PCDHGA9: variants seen among roughly 807,000 people sequenced by gnomAD.
The protein encoded by PCDHGA9 is protocadherin gamma subfamily A, 9.
Under a neutral mutation model 62.5 loss-of-function variants are expected in PCDHGA9, and 37 were observed. The observed-to-expected ratio is 0.59, with a 90% CI of 0.46 to 0.78. PCDHGA9 has a LOEUF of 0.78. PCDHGA9 is among the 30% of genes least tolerant of loss of function. The pLI is 0.00. For synonymous variants in PCDHGA9, 459 were observed against 484.6 expected, an observed-to-expected ratio of 0.95 and a Z score of 0.69; for missense variants, 1,138 against 1,166.2, an observed-to-expected ratio of 0.98 and a Z score of 0.35.
intron 2 of PCDHGA9, among the ~76,000 whole-genome samples, chr5:141,496,631 G>A (rs1434126210): frequency 6.6e-6 from 1 of 152,164 alleles, no homozygotes; most frequent in Admixed American, 6.5e-5. Context: ...CAAAAGGCTT[G>A]GGCTGCCCTT....
intron 2 of PCDHGA9, among the ~76,000 whole-genome samples, chr5:141,504,788 TC>T (rs1235410120): frequency 6.6e-6 from 1 of 152,070 alleles, no homozygotes; most frequent in Non-Finnish European, 1.5e-5. Context: ...TCTTGGGGCC[TC>T]CTACATCTCC....
intron 2 of PCDHGA9, among the ~76,000 whole-genome samples, chr5:141,501,956 A>G (rs527567012): frequency 6.6e-6 from 1 of 152,136 alleles, no homozygotes; most frequent in Non-Finnish European, 1.5e-5. Context: ...GTGACAGGTC[A>G]TCCTCCTAAC....
intron 1 of PCDHGA9, among the ~76,000 whole-genome samples, chr5:141,406,747 CA>C (rs889749071): frequency 1.2e-4 from 19 of 152,168 alleles, no homozygotes; most frequent in Non-Finnish European, 2.1e-4. Flanking sequence ...TGTGAAATGA[CA>C]AAACAAGGAA....
In PCDHGA9 at chr5:141,476,875, C is replaced by T; in HGVS notation, c.2425-17932C>T. On this transcript the variant is annotated intron_variant, in intron 1 of 3. Coordinates refer to ENST00000573521, the MANE Select transcript of PCDHGA9 (RefSeq NM_018921.3). The surrounding 1 kb of genome is among the most constrained non-coding windows in gnomAD (Gnocchi z 7.6). ...ACCAGTCCTTGTACCGGGCGCGCGT[C>T]CTGGAGGATGCACCCTCCGGCACGC... 2 of 1,613,928 alleles carry T rather than the reference C, an allele frequency of 1.2e-6. No homozygotes were observed. Among genetic ancestry groups the T allele is most frequent in the Non-Finnish European group, 1.7e-6 (2 of 1,180,044 alleles).
intron 1 of PCDHGA9, 63 bp from the exon 2 acceptor site, chr5:141,494,744 G>T: frequency 6.2e-7 from 1 of 1,612,702 alleles, no homozygotes; most frequent in South Asian, 1.1e-5. Flanking sequence ...CATCCCTAGG[G>T]GCTCGGGTGA....
intron 1 of PCDHGA9, among the ~76,000 whole-genome samples, chr5:141,438,002 A>G (rs200179547): frequency 1.3e-5 from 2 of 152,072 alleles, no homozygotes; most frequent in East Asian, 1.9e-4. Flanking sequence ...CAGCCTCCCA[A>G]ATAGCTGAGA....
At chr5:141,434,695 AAT>A (rs1228504579) in intron 1 of PCDHGA9, among the ~76,000 whole-genome samples, 7 of 152,212 alleles carry the variant, frequency 4.6e-5, no homozygotes, top group Non-Finnish European at 8.8e-5. Flanking sequence ...GCTGTTAATA[AAT>A]ATGTGGGTAA....
Position 141,489,417 on chromosome 5 carries a change from G to A in PCDHGA9, c.2425-5390G>A, listed in dbSNP as rs1020232739. On this transcript the variant is annotated intron_variant, in intron 1 of 3. Coordinates refer to ENST00000573521, the MANE Select transcript of PCDHGA9 (RefSeq NM_018921.3). This position sits in a 1 kb window ranked among gnomAD's most constrained non-coding sequence, Gnocchi z 4.5. ...ATCTGGGCTTAAAGATGACAGATCT[G>A]TTGAGCCGGCGGCTGCAATTGGGCT... The A allele has an allele frequency of 1.2e-6, 2 of 1,614,172 alleles. No individual in the cohort carries two copies. The highest frequency in any genetic ancestry group is 3.3e-5 in the Admixed American group (2 of 60,030).
At chr5:141,470,585 G>A (rs2099233788) in intron 1 of PCDHGA9, among the ~76,000 whole-genome samples, 1 of 152,188 alleles carries the variant, frequency 6.6e-6, no homozygotes, top group African/African-American at 2.4e-5. Flanking sequence ...AACTTCATAG[G>A]CAGGCGACCT....
chr5:141,410,849 CTTT>C (rs759346998), intron 1 of PCDHGA9: 1,556 of 136,944 alleles, frequency 0.011, no homozygotes, highest in South Asian at 0.02. Flanking sequence ...TTGTCTTTGT[CTTT>C]TTTTTTTTTT....
chr5:141,419,878 G>T (rs1342215231), intron 1 of PCDHGA9: 1 of 1,613,942 alleles, frequency 6.2e-7, no homozygotes, highest in African/African-American at 1.3e-5. Context: ...AGGTACTGCC[G>T]GATTTCAGCG....
chr5:141,472,980 C>CAAAAAAAAAAAAAAAAAAAAAAAAAAAA (rs60579131), intron 1 of PCDHGA9, among the ~76,000 whole-genome samples: 1 of 86,106 alleles, frequency 1.2e-5, no homozygotes, highest in Non-Finnish European at 2.5e-5. Flanking sequence ...GAGTGAAACT[C>CAAAAAAAAAAAAAAAAAAAAAAAAAAAA]AAAAAAAAAA....
At chr5:141,492,063 C>T in intron 1 of PCDHGA9, 1 of 481,160 alleles carries the variant, frequency 2.1e-6, no homozygotes, top group African/African-American at 2.0e-5. Flanking sequence ...CAGCCAGCCT[C>T]CTAGGCGCCG....
At position 141,454,320 on chromosome 5, in the gene PCDHGA9, C is replaced by T. The variant is rs140074578; in HGVS notation, c.2425-40487C>T. ...CAGATATTTCAAAGCATTGAAACCTCCAAGAATAAATAAAATGTTGGAAGT... is the reference window on the plus strand; with the variant it reads ...CAGATATTTCAAAGCATTGAAACCTTCAAGAATAAATAAAATGTTGGAAGT... On this transcript the variant is annotated intron_variant, in intron 1 of 3. Coordinates refer to ENST00000573521, the MANE Select transcript of PCDHGA9 (RefSeq NM_018921.3). Among the ~76,000 whole-genome samples, 592 of 152,266 alleles carry T rather than the reference C, an allele frequency of 3.9e-3. 6 individuals are homozygous for T. Among genetic ancestry groups the T allele is most frequent in the Admixed American group, 0.011 (171 of 15,288 alleles).
chr5:141,499,423 G>GA (rs1229901490), intron 2 of PCDHGA9, among the ~76,000 whole-genome samples: 1 of 151,754 alleles, frequency 6.6e-6, no homozygotes, highest in Non-Finnish European at 1.5e-5. Flanking sequence ...ATGAAAAATA[G>GA]AAAAAAAATT....
In PCDHGA9 at chr5:141,489,412, G is replaced by C; in HGVS notation, c.2425-5395G>C. On this transcript the variant is annotated intron_variant, in intron 1 of 3. Coordinates refer to ENST00000573521, the MANE Select transcript of PCDHGA9 (RefSeq NM_018921.3). The surrounding 1 kb of genome is among the most constrained non-coding windows in gnomAD (Gnocchi z 4.5). ...TCAGGATCTGGGCTTAAAGATGACAGATCTGTTGAGCCGGCGGCTGCAATT... is the reference window on the plus strand; with the variant it reads ...TCAGGATCTGGGCTTAAAGATGACACATCTGTTGAGCCGGCGGCTGCAATT... The C allele has an allele frequency of 6.2e-7, 1 of 1,614,172 alleles. No individual in the cohort carries two copies. Among genetic ancestry groups the C allele is most frequent in the Non-Finnish European group, 8.5e-7 (1 of 1,180,040 alleles).
chr5:141,478,594 C>T, intron 1 of PCDHGA9: 2 of 1,569,448 alleles, frequency 1.3e-6, no homozygotes, highest in Non-Finnish European at 1.7e-6. Context: ...TTTTTTATTC[C>T]TACATCATAT....
chr5:141,462,051 G>A (rs1370612703), intron 1 of PCDHGA9, among the ~76,000 whole-genome samples: 2 of 152,068 alleles, frequency 1.3e-5, no homozygotes, highest in African/African-American at 4.8e-5. Context: ...TTGAACTCCC[G>A]ACCTCAGGTG....
Position 141,404,393 on chromosome 5 carries a change from A to G in PCDHGA9, c.1441A>G (p.Ser481Gly). 6.2e-7 allele frequency: 1 copy of G among 1,613,962 alleles called. No homozygotes were observed. Among genetic ancestry groups the G allele is most frequent in the Non-Finnish European group, 8.5e-7 (1 of 1,179,886 alleles). ...IFSVIAYDPD[S>G]NENSRVIYSL... ...CTCCGTGATTGCCTATGACCCTGAT[A>G]GCAATGAGAATTCTAGAGTTATTTA... Residue 481 changes from serine (S) to glycine (G), a missense_variant, in exon 1 of 4, where the codon AGC (serine) becomes GGC (glycine). Coordinates refer to ENST00000573521, the MANE Select transcript of PCDHGA9 (RefSeq NM_018921.3).
Sources: gnomAD v4.1 joint callset for allele counts (sites outside exome capture counted in the v4.1 genomes callset) on GRCh38, gnomAD v4.1.1 for gene constraint, Gnocchi (gnomAD v3.1) non-coding constraint, MANE v1.5 for transcripts, NCBI Gene and HGNC (gene_info 2026-07-23, HGNC 2026-07-21) for gene names.